The following OR51B5 variants were observed in gnomAD, a reference collection of about 807,000 sequenced individuals.
OR51B5 encodes the protein olfactory receptor family 51 subfamily B member 5.
For missense variants in OR51B5, 456 were observed against 374.6 expected (o/e 1.22, Z -1.79); for synonymous variants, 186 against 144.8 (o/e 1.28, Z -2.04).
At chr11:5,395,244 G>A (rs759737903) in intron 1 of OR51B5, among the ~76,000 whole-genome samples, 52 of 152,308 alleles carry the variant, frequency 3.4e-4, no homozygotes, top group Admixed American at 1.1e-3. Context: ...AAGTGCCAGT[G>A]CAGCCCACGT....
intron 1 of OR51B5, among the ~76,000 whole-genome samples, chr11:5,463,965 A>G (rs1013877121): frequency 6.6e-6 from 1 of 152,220 alleles, no homozygotes; most frequent in Non-Finnish European, 1.5e-5. Context: ...TGTCAACTGT[A>G]TGAGGACAGA....
At chr11:5,424,708 G>A (rs887494271) in intron 1 of OR51B5, among the ~76,000 whole-genome samples, 5 of 151,516 alleles carry the variant, frequency 3.3e-5, no homozygotes, top group African/African-American at 1.2e-4. Flanking sequence ...AGGGCCTGGC[G>A]GGGTGGCTCA....
At chr11:5,352,280 T>G (rs774219913) in intron 1 of OR51B5, 1 of 1,614,194 alleles carries the variant, frequency 6.2e-7, no homozygotes, top group South Asian at 1.1e-5. Flanking sequence ...TGTCTGACAT[T>G]TATTCATAGG....
At chr11:5,422,697 A>G (rs1305979210) in intron 1 of OR51B5, 6 of 1,613,838 alleles carry the variant, frequency 3.7e-6, no homozygotes, top group South Asian at 2.2e-5. Context: ...TTCTTACTCA[A>G]GCGACTGCCT....
rs775674775 is a variant in OR51B5, at chr11:5,441,068, G to T, written n.84+64501C>A. ...GAGTGGTGAAACTCTTGGTAAGGATGCCCAGACCCATAGCCAATATACGGT... is the reference window on the plus strand; with the variant it reads ...GAGTGGTGAAACTCTTGGTAAGGATTCCCAGACCCATAGCCAATATACGGT... On this transcript the variant is annotated intron_variant and non_coding_transcript_variant, in intron 1 of 4. Coordinates refer to the OR51B5 transcript ENST00000415970. The T allele has an allele frequency of 4.5e-5, 73 of 1,613,846 alleles. 1 individual carries two copies. In the South Asian group the frequency reaches 8.0e-4, roughly 18 times the overall value.
At chr11:5,441,103 G>A (rs143805800) in intron 1 of OR51B5, 3 of 1,613,874 alleles carry the variant, frequency 1.9e-6, no homozygotes, top group East Asian at 2.2e-5. Flanking sequence ...TTGTGAGTGA[G>A]CACAGTGACA....
At chr11:5,381,037 G>C (rs1322926507) in intron 1 of OR51B5, among the ~76,000 whole-genome samples, 3 of 152,004 alleles carry the variant, frequency 2.0e-5, no homozygotes, top group Non-Finnish European at 4.4e-5. Context: ...CAGTGGGCTG[G>C]CTAGGTATCA....
chr11:5,389,854 A>G, intron 1 of OR51B5: 2 of 1,613,798 alleles, frequency 1.2e-6, no homozygotes, highest in Non-Finnish European at 1.7e-6. Context: ...CTGGCCAGCA[A>G]GTGGTCAGAG....
chr11:5,490,296 T>C (rs886731560), intron 1 of OR51B5, among the ~76,000 whole-genome samples: 2 of 152,232 alleles, frequency 1.3e-5, no homozygotes, highest in African/African-American at 4.8e-5. Flanking sequence ...GGAAGTTATG[T>C]AACCTCTCTA....
At chr11:5,347,042 C>G (rs1849003240), upstream of OR51B5, 1 of 152,180 alleles carries the variant, frequency 6.6e-6, no homozygotes, top group Admixed American at 6.5e-5. Flanking sequence ...AGCTGGAACA[C>G]TTAATTAGTC....
chr11:5,422,904 A>G, intron 1 of OR51B5: 1 of 1,614,054 alleles, frequency 6.2e-7, no homozygotes. Context: ...ACCTGGGCTG[A>G]GCGACTCCGT....
chr11:5,410,782 G>A (rs931266571), intron 1 of OR51B5, among the ~76,000 whole-genome samples: 6 of 152,126 alleles, frequency 3.9e-5, no homozygotes, highest in African/African-American at 1.2e-4. Context: ...TCTTGATCCC[G>A]TGTAGGTCTA....
chr11:5,404,885 C>A (rs147915004), intron 1 of OR51B5, among the ~76,000 whole-genome samples: 1,549 of 152,278 alleles, frequency 0.01, 28 homozygotes, highest in African/African-American at 0.035. Flanking sequence ...AGACCAGGAA[C>A]CCACCAGAAG....
intron 1 of OR51B5, among the ~76,000 whole-genome samples, chr11:5,475,967 G>A (rs573225770): frequency 2.6e-5 from 4 of 152,162 alleles, no homozygotes; most frequent in Non-Finnish European, 4.4e-5. Flanking sequence ...GGACCACACT[G>A]GAGGCTTGAT....
intron 1 of OR51B5, among the ~76,000 whole-genome samples, chr11:5,451,545 G>A (rs1436609029): frequency 6.6e-6 from 1 of 152,188 alleles, no homozygotes; most frequent in Non-Finnish European, 1.5e-5. Context: ...GTACAACACG[G>A]AGGGACAGCC....
rs142223425 is a variant in OR51B5 at position 5,375,419 on chromosome 11, C to T, written n.85-28509G>A. Among the ~76,000 whole-genome samples the T allele has an allele frequency of 6.7e-3, 927 of 138,016 alleles. 7 individuals carry two copies. The highest frequency in any genetic ancestry group is 0.018 in the Middle Eastern group (5 of 278). 90.5% of individuals were successfully genotyped at this position (138,016 alleles called of 152,430 possible). The stretch of plus-strand genomic sequence containing the variant: ...GACCATCAAGACTAGGAAGAAACTG[C>T]ATCAACTAACGAGCAAAATAACCAG... On this transcript the variant is annotated intron_variant and non_coding_transcript_variant, in intron 1 of 4. Coordinates refer to the OR51B5 transcript ENST00000415970.
intron 1 of OR51B5, among the ~76,000 whole-genome samples, chr11:5,387,582 C>A (rs1476314822): frequency 6.6e-6 from 1 of 152,170 alleles, no homozygotes; most frequent in South Asian, 2.1e-4. Flanking sequence ...TCATACATGA[C>A]GTAGCATTTA....
intron 1 of OR51B5, among the ~76,000 whole-genome samples, chr11:5,497,776 A>G (rs371288): frequency 0.99 from 150,338 of 152,244 alleles, 74,261 homozygotes; most frequent in East Asian, 1. Context: ...AAAGAACTCA[A>G]TACACCTTTT....
chr11:5,369,778 T>C (rs182459563), intron 1 of OR51B5, among the ~76,000 whole-genome samples: 10 of 152,342 alleles, frequency 6.6e-5, no homozygotes, highest in Admixed American at 5.9e-4. Context: ...TGTGTAGCAC[T>C]GTTATTTCCA....
Sources: gnomAD v4.1 joint callset for allele counts (sites outside exome capture counted in the v4.1 genomes callset) on GRCh38, gnomAD v4.1.1 for gene constraint, MANE v1.5 for transcripts, NCBI Gene and HGNC (gene_info 2026-07-23, HGNC 2026-07-21) for gene names.